Variants in ANKRD12 observed in about 807,000 individuals in gnomAD.
ANKRD12 encodes the protein ankyrin repeat domain-containing protein 12.
A neutral mutation model predicts 183.4 loss-of-function variants in ANKRD12; 85 were observed. That is an observed-to-expected ratio of 0.46 (90% CI 0.39 to 0.56). The LOEUF (loss-of-function observed/expected upper bound fraction) is 0.56. Among genes scored for constraint, ANKRD12 ranks in the 20% least tolerant of loss-of-function variants. The probability of loss-of-function intolerance (pLI) is 0.00; values close to 1 mark genes in which losing one functional copy is unlikely to be tolerated. For missense variants in ANKRD12, 2,405 were observed against 2,357.1 expected, an observed-to-expected ratio of 1.02 and a Z score of -0.42; for synonymous variants, 914 against 800.2, an observed-to-expected ratio of 1.14 and a Z score of -2.40.
At chr18:9,140,095 C>G (rs2078265427) in intron 1 of ANKRD12, among the ~76,000 whole-genome samples, 1 of 152,212 alleles carries the variant, frequency 6.6e-6, no homozygotes, top group Non-Finnish European at 1.5e-5. Context: ...TGCCTTCTAT[C>G]AGCTGCAACT....
intron 5 of ANKRD12, among the ~76,000 whole-genome samples, chr18:9,209,530 A>G (rs1337893157): frequency 6.6e-6 from 1 of 152,198 alleles, no homozygotes; most frequent in Admixed American, 6.5e-5. Context: ...TCTTTTTAAA[A>G]AACGGGATGA....
At chr18:9,178,343 C>CTCTCTCTCTT (rs35964343) in intron 1 of ANKRD12, among the ~76,000 whole-genome samples, 8 of 150,998 alleles carry the variant, frequency 5.3e-5, no homozygotes, top group East Asian at 1.9e-4. Context: ...CTCTCTCTCT[C>CTCTCTCTCTT]GTTTTTTGCA....
At position 9,255,655 on chromosome 18, in the gene ANKRD12, T is replaced by A; in HGVS notation, c.2388T>A (p.Ser796=). 1.3e-6 allele frequency: 2 copies of A among 1,585,966 alleles called. No individual in the cohort carries two copies. The highest frequency in any genetic ancestry group is 1.7e-6 in the Non-Finnish European group (2 of 1,173,044). Residue 796 remains serine, a synonymous_variant, in exon 9 of 13, where the codon TCT becomes TCA. Transcript: ENST00000262126. ...TGGGTATGAGTGCCATTGAGGAATC[T>A]ATAGGGCTTCATTTAGTGGAAAAGG... ...TSLGMSAIEE[S]IGLHLVEKEI...
At chr18:9,163,384 TTTG>T (rs1443606784) in intron 1 of ANKRD12, among the ~76,000 whole-genome samples, 1 of 152,200 alleles carries the variant, frequency 6.6e-6, no homozygotes, top group African/African-American at 2.4e-5. Context: ...AGTTCTCTGT[TTTG>T]TTCCATTGGT....
At chr18:9,201,942 C>G (rs1318935124) in intron 3 of ANKRD12, among the ~76,000 whole-genome samples, 1 of 151,822 alleles carries the variant, frequency 6.6e-6, no homozygotes, top group Non-Finnish European at 1.5e-5. Flanking sequence ...GTTCTCCTGT[C>G]TCAGCCTCCT....
At chr18:9,227,368 A>C (rs2036780490) in intron 8 of ANKRD12, among the ~76,000 whole-genome samples, 2 of 152,210 alleles carry the variant, frequency 1.3e-5, no homozygotes, top group African/African-American at 4.8e-5. Flanking sequence ...AGCAGTTATC[A>C]TTCCCACCTT....
intron 4 of ANKRD12, among the ~76,000 whole-genome samples, chr18:9,206,090 T>C (rs2035469857): frequency 6.6e-6 from 1 of 152,072 alleles, no homozygotes; most frequent in East Asian, 1.9e-4. Context: ...TGAAAGAATG[T>C]TGGAGCGTTG....
chr18:9,192,087 C>T (rs1189977404), intron 2 of ANKRD12, among the ~76,000 whole-genome samples: 1 of 152,170 alleles, frequency 6.6e-6, no homozygotes, highest in Non-Finnish European at 1.5e-5. Flanking sequence ...TGCTCCCCAC[C>T]CCTTGGAACT....
In ANKRD12 at chr18:9,254,241, C is replaced by G. The variant is rs1443718225; in HGVS notation, c.974C>G (p.Ser325Cys). 6.3e-7 allele frequency: 1 copy of G among 1,593,788 alleles called. No homozygotes were observed. Among genetic ancestry groups the G allele is most frequent in the Admixed American group, 1.8e-5 (1 of 55,288 alleles). Residue 325 changes from serine (S) to cysteine (C), a missense_variant, in exon 9 of 13, where the codon TCT becomes TGT. Transcript: ENST00000262126. ...GAAGAGGCTCAATCTGTAAATCCTT[C>G]TAGTGTTGATGAAAATATTGACTCT... The part of the protein sequence containing the change: ...DSEEAQSVNP[S>C]SVDENIDSET...
At chr18:9,265,768 G>A (rs1277225952) in intron 10 of ANKRD12, among the ~76,000 whole-genome samples, 4 of 152,338 alleles carry the variant, frequency 2.6e-5, no homozygotes, top group Admixed American at 2.0e-4. Flanking sequence ...AAAGCTGGAC[G>A]GATAATGACT....
intron 11 of ANKRD12, among the ~76,000 whole-genome samples, chr18:9,277,919 G>A (rs1257430801): frequency 1.3e-5 from 2 of 152,124 alleles, no homozygotes; most frequent in Non-Finnish European, 2.9e-5. Flanking sequence ...CATTTTCCCT[G>A]CCCCAGATTT....
chr18:9,254,329 TC>T lies in ANKRD12; in HGVS notation c.1064del (p.Pro355HisfsTer20), dbSNP rs774090907. 1 of 1,612,978 alleles carries T rather than the reference TC, an allele frequency of 6.2e-7. No homozygotes were observed. Among genetic ancestry groups the T allele is most frequent in the Non-Finnish European group, 8.5e-7 (1 of 1,179,478 alleles). On this transcript the variant is annotated frameshift_variant, in exon 9 of 13. Coordinates refer to ENST00000262126, the MANE Select transcript of ANKRD12 (RefSeq NM_015208.5). LOFTEE classifies it high-confidence loss of function. Reference protein sequence around the residue: ...KQILPSKTPLPSALDEYEFKD... With the variant: ...KQILPSKTPLXSALDEYEFKD... ...AGATACTTCCCAGTAAAACACCTCT[TC>T]CATCTGCCCTTGATGAGTATGAGTT...
chr18:9,259,070 C>G (rs1159585098), intron 9 of ANKRD12, 139 bp downstream of exon 9: 3 of 1,024,252 alleles, frequency 2.9e-6, no homozygotes, highest in Non-Finnish European at 2.7e-6. Context: ...AGATATAAAG[C>G]TAGTAACGTT....
At chr18:9,217,973 A>G (rs1187089245) in intron 7 of ANKRD12, among the ~76,000 whole-genome samples, 4 of 152,182 alleles carry the variant, frequency 2.6e-5, no homozygotes, top group South Asian at 2.1e-4. Flanking sequence ...GCCTGACAAC[A>G]TGTAGGGTAC....
chr18:9,146,473 A>G (rs981407144), intron 1 of ANKRD12, among the ~76,000 whole-genome samples: 3 of 152,210 alleles, frequency 2.0e-5, no homozygotes, highest in Admixed American at 1.3e-4. Context: ...GCTTGAGGCC[A>G]GGAGTTTGAA....
Position 9,257,509 on chromosome 18 carries a change from C to G in ANKRD12, c.4242C>G (p.Ile1414Met). ...AGCCATCTAGTCAGGTTGGTGTGATCCAGAATAAATCATGGGAGATGCCTG... is the reference window on the plus strand; with the variant it reads ...AGCCATCTAGTCAGGTTGGTGTGATGCAGAATAAATCATGGGAGATGCCTG... ...HLEPSSQVGV[I>M]QNKSWEMPVD... The change falls in exon 9 of 13, where the codon ATC becomes ATG. Residue 1414 changes from isoleucine to methionine, a missense_variant. By Grantham distance (10) the Ile-to-Met change is conservative. This residue lies in a region of ANKRD12 where 1,983 missense variants were observed against 1,725.9 expected (regional missense o/e 1.15). Transcript: ENST00000262126. 6.8e-6 allele frequency: 11 copies of G among 1,614,048 alleles called. No homozygotes were observed. The highest frequency in any genetic ancestry group is 9.3e-6 in the Non-Finnish European group (11 of 1,179,988).
At chr18:9,155,714 G>T (rs1311220535) in intron 1 of ANKRD12, among the ~76,000 whole-genome samples, 1 of 151,938 alleles carries the variant, frequency 6.6e-6, no homozygotes, top group African/African-American at 2.4e-5. Context: ...ACTTCTGTAT[G>T]TTTACTTTTG....
chr18:9,182,129 C>T (rs1433543836), intron 1 of ANKRD12, among the ~76,000 whole-genome samples: 1 of 152,198 alleles, frequency 6.6e-6, no homozygotes, highest in African/African-American at 2.4e-5. Flanking sequence ...CTTCCACTTT[C>T]ACTGCTTCTG....
In ANKRD12 at chr18:9,281,176, T is replaced by TTG. The variant is rs781034256; in HGVS notation, c.*51_*52insGT. ...GTCCTAAACTGGTGATGCTCAAGCA[T>TTG]TATACTGTGGAATACTGCCTTTTGA... On this transcript the variant is annotated 3_prime_UTR_variant, in exon 13 of 13. Transcript: ENST00000262126. 6.7e-7 allele frequency: 1 copy of TTG among 1,492,500 alleles called. No individual in the cohort carries two copies. The highest frequency in any genetic ancestry group is 1.2e-5 in the South Asian group (1 of 80,418). 92.5% of individuals were successfully genotyped at this position (1,492,500 alleles called of 1,614,324 possible).
Sources: gnomAD v4.1 joint callset for allele counts (sites outside exome capture counted in the v4.1 genomes callset) on GRCh38, gnomAD v4.1.1 for gene constraint, gnomAD v4.1.1 regional missense constraint, MANE v1.5 for transcripts, NCBI Gene and HGNC (gene_info 2026-07-23, HGNC 2026-07-21) for gene names.